The following SFXN2 variants were observed in gnomAD, a reference collection of about 807,000 sequenced individuals.
SFXN2 encodes sideroflexin 2.
In SFXN2, 37 loss-of-function variants were observed where a neutral mutation model predicts 41.9. The observed-to-expected ratio is 0.88, with a 90% CI of 0.68 to 1.16. The LOEUF is 1.16. Ranked by LOEUF, SFXN2 falls within the 50% of genes most tolerant of loss-of-function variation. The probability of loss-of-function intolerance (pLI) is 0.00; values close to 1 mark genes in which losing one functional copy is unlikely to be tolerated. For synonymous variants in SFXN2, 150 were observed against 156.7 expected (o/e 0.96, Z 0.32); for missense variants, 386 against 425.2 (o/e 0.91, Z 0.81).
At position 102,740,914 on chromosome 10, in the gene SFXN2, C is replaced by T. The variant is rs1010415180; in HGVS notation, c.*3152C>T. On this transcript the variant is annotated 3_prime_UTR_variant, in exon 12 of 12. Coordinates refer to ENST00000369893, the MANE Select transcript of SFXN2 (RefSeq NM_178858.6). ...TGTTCTTTCAGAACATACAATGTTTCCCCTTCCTTCTCAGCTCCTCAAGCC... is the reference window on the plus strand; with the variant it reads ...TGTTCTTTCAGAACATACAATGTTTTCCCTTCCTTCTCAGCTCCTCAAGCC... 1 of 152,170 alleles carries T rather than the reference C, an allele frequency of 6.6e-6. No homozygotes were observed. Among genetic ancestry groups the T allele is most frequent in the African/African-American group, 2.4e-5 (1 of 41,448 alleles). The allele number at this position is 152,170 out of a possible 1,614,324, so 9.4% of individuals were successfully genotyped here.
At chr10:102,727,250 T>G in intron 3 of SFXN2, 93 bp downstream of exon 3, 1 of 1,388,580 alleles carries the variant, frequency 7.2e-7, no homozygotes, top group Non-Finnish European at 9.8e-7. Context: ...TTCTCTTGAT[T>G]GGTCACTTAC....
intron 1 of SFXN2, among the ~76,000 whole-genome samples, chr10:102,720,411 C>T (rs1464441587): frequency 1.3e-5 from 2 of 151,512 alleles, no homozygotes; most frequent in Non-Finnish European, 2.9e-5. Flanking sequence ...GGAGTTGAGA[C>T]CAGCCTAGCA....
intron 7 of SFXN2, 78 bp from the exon 8 acceptor site, chr10:102,732,074 A>T: frequency 1.4e-6 from 2 of 1,386,336 alleles, no homozygotes; most frequent in African/African-American, 1.4e-5. Context: ...CTTGGCCATG[A>T]TGCTGACCCA....
In SFXN2 at chr10:102,736,175, G is replaced by A. The variant is rs1011696979; in HGVS notation, c.869+266G>A. ...GCAAGCACTGCCTTGAAGAGAAGGT[G>A]GGGGAGCAACAACAGACTTTCTCTT... On this transcript the variant is annotated intron_variant, in intron 11 of 11. Coordinates refer to ENST00000369893, the MANE Select transcript of SFXN2 (RefSeq NM_178858.6). Among the ~76,000 whole-genome samples, 5 of 152,320 alleles carry A rather than the reference G, an allele frequency of 3.3e-5. No individual in the cohort carries two copies. In the South Asian group the frequency reaches 1.0e-3, roughly 32 times the overall value.
chr10:102,735,219 CCTT>C (rs2064759161), intron 10 of SFXN2, among the ~76,000 whole-genome samples: 4 of 145,330 alleles, frequency 2.8e-5, no homozygotes, highest in Admixed American at 2.7e-4. Flanking sequence ...CCCTCCATGT[CCTT>C]CTCCCTCTCC....
At chr10:102,733,729 A>G (rs1375889820) in intron 10 of SFXN2, 126 bp downstream of exon 10, 2 of 789,292 alleles carry the variant, frequency 2.5e-6, no homozygotes, top group Non-Finnish European at 4.4e-6. Flanking sequence ...CAAGCTCAGA[A>G]TACCTGTGGT....
At chr10:102,736,908 A>T (rs1241683879) in intron 11 of SFXN2, among the ~76,000 whole-genome samples, 1 of 150,028 alleles carries the variant, frequency 6.7e-6, no homozygotes, top group Non-Finnish European at 1.5e-5. Context: ...TAACCCCAGC[A>T]CTTTGGGAGG....
chr10:102,723,863 C>A (rs376057958), intron 1 of SFXN2, among the ~76,000 whole-genome samples: 4 of 152,088 alleles, frequency 2.6e-5, no homozygotes, highest in African/African-American at 9.7e-5. Context: ...CAGGGGTACA[C>A]GTGCAGGTTT....
At chr10:102,731,662 A>C in intron 6 of SFXN2, 61 bp from the exon 7 acceptor site, 1 of 1,482,932 alleles carries the variant, frequency 6.7e-7, no homozygotes, top group Non-Finnish European at 9.4e-7. Flanking sequence ...CTGGCATGTC[A>C]TGTGGCTGGC....
At chr10:102,718,918 C>CTTTTTTTTTTT (rs34471332) in intron 1 of SFXN2, among the ~76,000 whole-genome samples, 3 of 74,302 alleles carry the variant, frequency 4.0e-5, no homozygotes, top group Non-Finnish European at 7.3e-5. Flanking sequence ...TTCTCGGCTT[C>CTTTTTTTTTTT]TTTTTTTTTT....
intron 1 of SFXN2, among the ~76,000 whole-genome samples, chr10:102,719,938 C>G (rs2064481746): frequency 6.6e-6 from 1 of 152,124 alleles, no homozygotes; most frequent in Non-Finnish European, 1.5e-5. Context: ...AGAGGAAAGA[C>G]TAGCTTTTGA....
At chr10:102,717,733 A>T (rs533231404) in intron 1 of SFXN2, 1 of 984,810 alleles carries the variant, frequency 1.0e-6, no homozygotes, top group East Asian at 1.1e-4. Context: ...AAAAGAGGTG[A>T]CATCCTTGAT....
In SFXN2 at chr10:102,734,683, A is replaced by C. The variant is rs905767610; in HGVS notation, c.821+1080A>C. 3.9e-5 allele frequency among the ~76,000 whole-genome samples: 6 copies of C among 152,176 alleles called. No individual in the cohort carries two copies. The highest frequency in any genetic ancestry group is 7.4e-5 in the Non-Finnish European group (5 of 68,026). On this transcript the variant is annotated intron_variant, in intron 10 of 11. Coordinates refer to ENST00000369893, the MANE Select transcript of SFXN2 (RefSeq NM_178858.6). This position sits in a 1 kb window ranked among gnomAD's most constrained non-coding sequence, Gnocchi z 4.1. ...GTAACCCTGCAAAGTAGGCACTGCA[A>C]AGTGGTCTGCAGTAGCCCTAAAAAG...
chr10:102,730,292 A>G (rs79178519), intron 6 of SFXN2, among the ~76,000 whole-genome samples: 1 of 152,174 alleles, frequency 6.6e-6, no homozygotes, highest in Non-Finnish European at 1.5e-5. Flanking sequence ...GGAGAAACTC[A>G]TTGTGTCTCA....
intron 1 of SFXN2, among the ~76,000 whole-genome samples, chr10:102,715,551 C>T (rs2064397452): frequency 6.6e-6 from 1 of 152,168 alleles, no homozygotes; most frequent in Non-Finnish European, 1.5e-5. Context: ...CTGTTCTAGA[C>T]GCTGGAGACA....
At chr10:102,716,281 T>G (rs1452457810) in intron 1 of SFXN2, 37 of 152,284 alleles carry the variant, frequency 2.4e-4, no homozygotes, top group Middle Eastern at 3.4e-3. Flanking sequence ...CTCAGTGGTC[T>G]TTGTGTCTGA....
At chr10:102,728,357 C>A in intron 3 of SFXN2, 74 bp from the exon 4 acceptor site, 1 of 1,181,888 alleles carries the variant, frequency 8.5e-7, no homozygotes. Context: ...AGATCATGTG[C>A]TTTGACTGGC....
At chr10:102,718,814 G>A (rs1252253467) in intron 1 of SFXN2, among the ~76,000 whole-genome samples, 1 of 151,692 alleles carries the variant, frequency 6.6e-6, no homozygotes, top group Non-Finnish European at 1.5e-5. Context: ...TGAACTCCTG[G>A]CCTCCCAAAG....
In SFXN2 at chr10:102,738,000, G is replaced by C; in HGVS notation, c.*238G>C. The C allele has an allele frequency of 3.5e-6, 1 of 283,512 alleles. No individual in the cohort carries two copies. Among genetic ancestry groups the C allele is most frequent in the African/African-American group, 2.2e-5 (1 of 45,500 alleles). The allele number at this position is 283,512 out of a possible 1,614,324, so 17.6% of individuals were successfully genotyped here. A position where few individuals can be genotyped will look rare whatever the true frequency, so the allele number is the denominator to read the frequency against. On this transcript the variant is annotated 3_prime_UTR_variant, in exon 12 of 12. Transcript: ENST00000369893. ...TCTTCTAGCTGCTTCCTCAACCCCT[G>C]TCCCCTGGAGACCAGAAGCTGAGGC... is the stretch of plus-strand genomic sequence containing the variant.
Sources: allele counts gnomAD v4.1 joint callset (sites outside exome capture counted in the v4.1 genomes callset), GRCh38; gene constraint gnomAD v4.1.1; non-coding constraint Gnocchi (gnomAD v3.1); transcripts MANE v1.5; gene names NCBI Gene and HGNC (gene_info 2026-07-23, HGNC 2026-07-21).